The following TCF4 variants were observed in gnomAD, a reference collection of about 807,000 sequenced individuals.
TCF4 encodes SL3-3 enhancer factor 2.
In TCF4, 3 loss-of-function variants were observed where a neutral mutation model predicts 82.1. That is an observed-to-expected ratio of 0.04 (90% CI 0.02 to 0.09). The LOEUF is 0.09. Among genes scored for constraint, TCF4 ranks in the 10% least tolerant of loss-of-function variants. The pLI, the probability that TCF4 is intolerant of heterozygous loss-of-function variation, is 1.00. For synonymous variants in TCF4, 276 were observed against 309.6 expected (o/e 0.89, Z 1.14); for missense variants, 518 against 852.7 (o/e 0.61, Z 4.89).
At chr18:55,387,445 C>G (rs534585398) in intron 6 of TCF4, among the ~76,000 whole-genome samples, 2 of 152,354 alleles carry the variant, frequency 1.3e-5, no homozygotes, top group South Asian at 4.1e-4. Flanking sequence ...ATTTAGGGAG[C>G]TTTTCCATCA....
chr18:55,350,674 CA>C (rs908854315), intron 7 of TCF4, among the ~76,000 whole-genome samples, 199 bp downstream of exon 7: 2 of 151,568 alleles, frequency 1.3e-5, no homozygotes, highest in African/African-American at 4.9e-5. Context: ...AAGCAGACAC[CA>C]AAAAAGTTCT....
chr18:55,283,293 T>A (rs540735541), intron 8 of TCF4, among the ~76,000 whole-genome samples: 10 of 151,816 alleles, frequency 6.6e-5, no homozygotes, highest in Middle Eastern at 3.4e-3. Flanking sequence ...GAAAAAAAAA[T>A]TTAATTTATT....
chr18:55,374,824 C>T (rs564572495), intron 6 of TCF4, among the ~76,000 whole-genome samples: 3 of 139,538 alleles, frequency 2.1e-5, no homozygotes, highest in Non-Finnish European at 3.0e-5. Context: ...GCCATGATCA[C>T]ACCACTGCAC....
At chr18:55,401,556 C>T (rs2093820951) in intron 6 of TCF4, 2 of 988,468 alleles carry the variant, frequency 2.0e-6, no homozygotes, top group East Asian at 1.1e-4. Flanking sequence ...TCTCTTCCAC[C>T]CTCTGCCCCT....
intron 6 of TCF4, among the ~76,000 whole-genome samples, chr18:55,372,126 A>G (rs921771519): frequency 6.6e-6 from 1 of 152,112 alleles, no homozygotes; most frequent in Non-Finnish European, 1.5e-5. Flanking sequence ...CTCTAACCTC[A>G]TATGTCATAA....
intron 2 of TCF4, among the ~76,000 whole-genome samples, chr18:55,621,135 C>T (rs1176650655): frequency 6.6e-6 from 1 of 151,582 alleles, no homozygotes; most frequent in Non-Finnish European, 1.5e-5. Context: ...CTCTATCTTA[C>T]ATTTCTTCAT....
chr18:55,304,357 A>G (rs2069452970), intron 8 of TCF4, among the ~76,000 whole-genome samples: 1 of 152,216 alleles, frequency 6.6e-6, no homozygotes, highest in African/African-American at 2.4e-5. Flanking sequence ...CAGAGATCAA[A>G]TAGACATTGG....
At chr18:55,398,983 A>G (rs2146354234) in intron 6 of TCF4, among the ~76,000 whole-genome samples, 1 of 152,350 alleles carries the variant, frequency 6.6e-6, no homozygotes, top group Non-Finnish European at 1.5e-5. Context: ...CACTCAGGAT[A>G]AACACTTAGG....
At position 55,317,585 on chromosome 18, in the gene TCF4, C is replaced by T. The variant is rs553584903; in HGVS notation, c.549+32774G>A. On this transcript the variant is annotated intron_variant, in intron 8 of 19. Coordinates refer to ENST00000354452, the MANE Select transcript of TCF4 (RefSeq NM_001083962.2). ...ATGTACTGAAAAATGTTATTAGTGG[C>T]GTCATTTAAATATTGATCTTTTTAT... Among the ~76,000 whole-genome samples, 10 of 151,898 alleles carry T rather than the reference C, an allele frequency of 6.6e-5. No homozygotes were observed. The South Asian group carries it at 1.5e-3, about 22-fold the overall frequency.
chr18:55,553,393 G>A (rs981203471), intron 3 of TCF4: 2 of 152,154 alleles, frequency 1.3e-5, no homozygotes, highest in Non-Finnish European at 2.9e-5. Context: ...ATACCCAAGA[G>A]CATTGCTTTA....
chr18:55,611,998 T>C (rs1426761255), intron 2 of TCF4, among the ~76,000 whole-genome samples: 1 of 152,220 alleles, frequency 6.6e-6, no homozygotes, highest in African/African-American at 2.4e-5. Flanking sequence ...CTCAAACTCC[T>C]GACCTCAGGT....
chr18:55,257,322 T>G lies in TCF4; in HGVS notation c.1139A>C (p.His380Pro). Residue 380 changes from histidine (H) to proline (P), a missense_variant, in exon 14 of 20, where the codon CAC (histidine) becomes CCC (proline). This residue lies in a region of TCF4 where 211 missense variants were observed against 327.4 expected (regional missense o/e 0.64). Transcript: ENST00000354452. Reference sequence around the variant, plus strand: ...TTAGCAAATGAGACATACCAAAGAGTGTAAGGGTCCTTCATAATTAGGAGA... The same window carrying G: ...TTAGCAAATGAGACATACCAAAGAGGGTAAGGGTCCTTCATAATTAGGAGA... ...SSSPNYEGPL[H>P]SLQSRIEDRL... The G allele has an allele frequency of 6.2e-7, 1 of 1,613,076 alleles. No homozygotes were observed. The highest frequency in any genetic ancestry group is 8.5e-7 in the Non-Finnish European group (1 of 1,179,516).
At chr18:55,335,108 A>G (rs541781701) in intron 8 of TCF4, among the ~76,000 whole-genome samples, 1 of 152,300 alleles carries the variant, frequency 6.6e-6, no homozygotes, top group South Asian at 2.1e-4. Context: ...GCCGGCCACA[A>G]TCATGGGACT....
chr18:55,254,349 G>T (rs1434440897), intron 15 of TCF4, 148 bp downstream of exon 15: 10 of 763,776 alleles, frequency 1.3e-5, no homozygotes. Flanking sequence ...TAAAACACTT[G>T]AATTGTACAC....
intron 5 of TCF4, among the ~76,000 whole-genome samples, chr18:55,446,527 C>T (rs984872753): frequency 6.6e-6 from 1 of 152,172 alleles, no homozygotes; most frequent in African/African-American, 2.4e-5. Context: ...CTGCCACTTA[C>T]CAGCTACACA....
intron 2 of TCF4, among the ~76,000 whole-genome samples, chr18:55,621,577 AAT>A (rs1174480863): frequency 9.9e-5 from 10 of 101,324 alleles, no homozygotes; most frequent in Admixed American, 3.1e-4. Flanking sequence ...AATATTATAT[AAT>A]ATATATATTA....
chr18:55,266,571 G>A (rs551755056), intron 11 of TCF4: 1 of 151,900 alleles, frequency 6.6e-6, no homozygotes, highest in Non-Finnish European at 1.5e-5. Flanking sequence ...TGCCAGCAAG[G>A]CTTGAGAAAA....
intron 3 of TCF4, among the ~76,000 whole-genome samples, chr18:55,532,320 C>T (rs1219586676): frequency 6.6e-6 from 1 of 152,098 alleles, no homozygotes; most frequent in Admixed American, 6.6e-5. Context: ...TGGCTAGATC[C>T]CCAATCCTTA....
chr18:55,580,487 T>C (rs939700369), intron 3 of TCF4, among the ~76,000 whole-genome samples: 1 of 152,024 alleles, frequency 6.6e-6, no homozygotes, highest in African/African-American at 2.4e-5. Flanking sequence ...TTTTAAAATA[T>C]CTACTGTATT....
Sources: gnomAD v4.1 joint callset for allele counts (sites outside exome capture counted in the v4.1 genomes callset) on GRCh38, gnomAD v4.1.1 for gene constraint, gnomAD v4.1.1 regional missense constraint, MANE v1.5 for transcripts, NCBI Gene and HGNC (gene_info 2026-07-23, HGNC 2026-07-21) for gene names.